Variants in SMARCA5 observed in about 807,000 individuals in gnomAD.
SMARCA5 encodes the protein SWI/SNF-related matrix-associated actin-dependent regulator of chromatin subfamily A member 5.
SMARCA5 carries 18 observed loss-of-function variants against 140.4 expected under a neutral mutation model. That is an observed-to-expected ratio of 0.13 (90% CI 0.09 to 0.19). The LOEUF (loss-of-function observed/expected upper bound fraction) is 0.19. Ranked by LOEUF, SMARCA5 falls within the 10% of genes least tolerant of loss-of-function variation. SMARCA5 has a pLI of 1.00. For synonymous variants in SMARCA5, 449 were observed against 419.6 expected (o/e 1.07, Z -0.86); for missense variants, 606 against 1,276.8 (o/e 0.47, Z 8.01).
Position 143,555,072 on chromosome 4 carries a change from C to A in SMARCA5, c.*1888C>A. On this transcript the variant is annotated 3_prime_UTR_variant, in exon 24 of 24. Coordinates refer to ENST00000283131, the MANE Select transcript of SMARCA5 (RefSeq NM_003601.4). ...TCCTCTCCCGCTAAGCTTTTGTTTC[C>A]TGGCAGTAATTAAAATCTTCTGTCA... is the stretch of plus-strand genomic sequence containing the variant. The A allele has an allele frequency of 1.7e-6, 1 of 599,684 alleles. No individual in the cohort carries two copies. Among genetic ancestry groups the A allele is most frequent in the Non-Finnish European group, 3.1e-6 (1 of 321,036 alleles). 37.1% of individuals were successfully genotyped at this position (599,684 alleles called of 1,614,324 possible).
At chr4:143,534,795 G>T in intron 9 of SMARCA5, 60 bp from the exon 10 acceptor site, 1 of 1,192,538 alleles carries the variant, frequency 8.4e-7, no homozygotes, top group Non-Finnish European at 1.2e-6. Context: ...ATTCTAAGAT[G>T]CTGAAATATG....
intron 2 of SMARCA5, among the ~76,000 whole-genome samples, chr4:143,519,855 G>A (rs566496414): frequency 3.3e-5 from 5 of 152,180 alleles, no homozygotes; most frequent in Non-Finnish European, 7.4e-5. Flanking sequence ...ACTCTGATCA[G>A]TCTTTCTTCT....
chr4:143,529,838 T>G (rs1355645809), intron 8 of SMARCA5, among the ~76,000 whole-genome samples: 2 of 152,234 alleles, frequency 1.3e-5, no homozygotes, highest in Non-Finnish European at 2.9e-5. Flanking sequence ...AGCTTCGATT[T>G]TATGTATTTT....
chr4:143,543,981 GAAA>G lies in SMARCA5; in HGVS notation c.2172+10_2172+12del. The G allele has an allele frequency of 6.5e-7, 1 of 1,546,418 alleles. No homozygotes were observed. Among genetic ancestry groups the G allele is most frequent in the Non-Finnish European group, 8.7e-7 (1 of 1,147,038 alleles). ...ATAGAGAAAAACAAAAGGTAATTTA[GAAA>G]TAGGTTTGGGTTACATGAAAGCTTT... On this transcript the variant is annotated intron_variant, in intron 16 of 23. Coordinates refer to ENST00000283131, the MANE Select transcript of SMARCA5 (RefSeq NM_003601.4).
intron 14 of SMARCA5, among the ~76,000 whole-genome samples, chr4:143,541,860 AC>A (rs1415222599): frequency 6.8e-6 from 1 of 148,086 alleles, no homozygotes; most frequent in Non-Finnish European, 1.5e-5. Flanking sequence ...TCCATGAAAC[AC>A]TTTTTTTTTT....
intron 18 of SMARCA5, 102 bp downstream of exon 18, chr4:143,545,685 C>A: frequency 1.2e-6 from 1 of 813,650 alleles, no homozygotes; most frequent in Non-Finnish European, 2.0e-6. Flanking sequence ...TAGTGTGAAA[C>A]AATACTGCTT....
At chr4:143,521,402 A>C in intron 2 of SMARCA5, 27 bp from the exon 3 acceptor site, 1 of 1,555,740 alleles carries the variant, frequency 6.4e-7, no homozygotes, top group Middle Eastern at 1.7e-4. Flanking sequence ...ACTCTGATAA[A>C]ATGTATCTTA....
At chr4:143,550,753 T>TAC (rs1399438649) in intron 23 of SMARCA5, among the ~76,000 whole-genome samples, 2 of 152,074 alleles carry the variant, frequency 1.3e-5, no homozygotes, top group African/African-American at 4.8e-5. Flanking sequence ...TGCTGCAAAT[T>TAC]ACAGGGTCTC....
chr4:143,549,827 C>G (rs540935428), intron 22 of SMARCA5, among the ~76,000 whole-genome samples, 170 bp from the exon 23 acceptor site: 1 of 151,778 alleles, frequency 6.6e-6, no homozygotes, highest in East Asian at 1.9e-4. Context: ...AATATCTTGC[C>G]TTTAATCTTC....
chr4:143,523,090 G>A lies in SMARCA5; in HGVS notation c.420-1277G>A, dbSNP rs368714500. 1.4e-4 allele frequency among the ~76,000 whole-genome samples: 21 copies of A among 152,190 alleles called. No individual in the cohort carries two copies. In the East Asian group the frequency reaches 2.7e-3, roughly 20 times the overall value. On this transcript the variant is annotated intron_variant, in intron 3 of 23. Coordinates refer to ENST00000283131, the MANE Select transcript of SMARCA5 (RefSeq NM_003601.4). ...TGCTCTGTGGCCCAGGCTGGAGTGC[G>A]TGCAGTGGTGTGATCTCGGTTCACT...
At chr4:143,519,623 A>G (rs1328935550) in intron 2 of SMARCA5, among the ~76,000 whole-genome samples, 3 of 152,050 alleles carry the variant, frequency 2.0e-5, no homozygotes, top group Non-Finnish European at 4.4e-5. Context: ...CTTCACCTGC[A>G]CAGTTTTCTT....
intron 3 of SMARCA5, 59 bp downstream of exon 3, chr4:143,521,654 G>GA: frequency 7.2e-7 from 1 of 1,397,054 alleles, no homozygotes; most frequent in Non-Finnish European, 9.8e-7. Context: ...GTCTTCAGTG[G>GA]AAGCATAAAA....
chr4:143,535,298 T>C (rs1036396030), intron 10 of SMARCA5, among the ~76,000 whole-genome samples: 3 of 152,148 alleles, frequency 2.0e-5, no homozygotes, highest in Non-Finnish European at 2.9e-5. Flanking sequence ...GGTTCACTTA[T>C]AGTTCATAAA....
At chr4:143,524,834 G>A (rs1184403217) in intron 4 of SMARCA5, among the ~76,000 whole-genome samples, 3 of 152,096 alleles carry the variant, frequency 2.0e-5, no homozygotes, top group Non-Finnish European at 4.4e-5. Flanking sequence ...TTTGTGAAAT[G>A]TATTTGTTTA....
chr4:143,537,061 T>G (rs1737322498), intron 11 of SMARCA5, among the ~76,000 whole-genome samples: 1 of 152,186 alleles, frequency 6.6e-6, no homozygotes, highest in South Asian at 2.1e-4. Flanking sequence ...TATGTGGAGT[T>G]TTAATTTAAT....
At chr4:143,518,053 C>T (rs1045193943) in intron 2 of SMARCA5, among the ~76,000 whole-genome samples, 5 of 152,076 alleles carry the variant, frequency 3.3e-5, no homozygotes, top group African/African-American at 9.7e-5. Flanking sequence ...AGAATAGTTA[C>T]TCAGTGTATG....
intron 18 of SMARCA5, 83 bp downstream of exon 18, chr4:143,545,666 A>G (rs975145336): frequency 1.1e-6 from 1 of 890,294 alleles, no homozygotes; most frequent in African/African-American, 1.7e-5. Flanking sequence ...TATTTATCTA[A>G]TTTGGACCTA....
At chr4:143,525,920 C>T (rs1737058112) in intron 5 of SMARCA5, among the ~76,000 whole-genome samples, 1 of 152,076 alleles carries the variant, frequency 6.6e-6, no homozygotes, top group Admixed American at 6.6e-5. Context: ...CTTTTGTTAA[C>T]TACTAGTTAT....
intron 10 of SMARCA5, among the ~76,000 whole-genome samples, chr4:143,535,288 G>A (rs1737280155): frequency 6.6e-6 from 1 of 152,060 alleles, no homozygotes; most frequent in East Asian, 1.9e-4. Flanking sequence ...GGAGATATAT[G>A]GTTCACTTAT....
Sources: allele counts gnomAD v4.1 joint callset (sites outside exome capture counted in the v4.1 genomes callset), GRCh38; gene constraint gnomAD v4.1.1; transcripts MANE v1.5; gene names NCBI Gene and HGNC (gene_info 2026-07-23, HGNC 2026-07-21).